FCHSD2: variants seen among roughly 807,000 people sequenced by gnomAD.
The protein encoded by FCHSD2 is FCH and double SH3 domains 2.
Under a neutral mutation model 108.1 loss-of-function variants are expected in FCHSD2, and 38 were observed. The ratio of observed to expected loss-of-function variants is 0.35; its 90% confidence interval spans 0.27 to 0.46. The LOEUF is 0.46. FCHSD2 is among the 20% of genes least tolerant of loss of function. The pLI is 1.00. For missense variants in FCHSD2, 751 were observed against 897.8 expected (o/e 0.84, Z 2.09); for synonymous variants, 279 against 314.7 (o/e 0.89, Z 1.20).
intron 8 of FCHSD2, among the ~76,000 whole-genome samples, chr11:72,944,201 A>G (rs1201758275): frequency 1.3e-5 from 2 of 152,184 alleles, no homozygotes; most frequent in Non-Finnish European, 2.9e-5. Context: ...CTTATCCACC[A>G]TGATCAAGTG....
At chr11:72,903,814 T>C (rs548710358) in intron 9 of FCHSD2, among the ~76,000 whole-genome samples, 2 of 152,316 alleles carry the variant, frequency 1.3e-5, no homozygotes, top group African/African-American at 4.8e-5. Context: ...AAAGGGATAA[T>C]TGAGGAGACG....
chr11:73,083,742 T>TA lies in FCHSD2; in HGVS notation c.120-3dup. ...GCAGCCTTCTTCTGACTGAATGTCC[T>TA]AAAAATACAAAGAAAAATTAATTAC... On this transcript the variant is annotated splice_polypyrimidine_tract_variant and splice_region_variant and intron_variant, in intron 2 of 19. Transcript: ENST00000409418. 4 of 1,534,098 alleles carry TA rather than the reference T, an allele frequency of 2.6e-6. No individual in the cohort carries two copies. The highest frequency in any genetic ancestry group is 3.5e-6 in the Non-Finnish European group (4 of 1,131,544).
intron 13 of FCHSD2, among the ~76,000 whole-genome samples, chr11:72,856,968 C>G (rs1861443698): frequency 6.6e-6 from 1 of 152,162 alleles, no homozygotes; most frequent in South Asian, 2.1e-4. Context: ...AAACACAACA[C>G]CCATACATTT....
chr11:72,947,168 A>G (rs962671945), intron 8 of FCHSD2, among the ~76,000 whole-genome samples: 2 of 152,210 alleles, frequency 1.3e-5, no homozygotes, highest in African/African-American at 4.8e-5. Flanking sequence ...GCATTTTCCA[A>G]TATATCTTAT....
chr11:72,951,783 AC>A (rs1241426031), intron 8 of FCHSD2, among the ~76,000 whole-genome samples: 4 of 152,150 alleles, frequency 2.6e-5, no homozygotes, highest in Non-Finnish European at 5.9e-5. Context: ...TTTGAGGTTT[AC>A]CCTTTCACAA....
chr11:72,862,743 C>T (rs1854627202), intron 13 of FCHSD2, among the ~76,000 whole-genome samples: 1 of 152,074 alleles, frequency 6.6e-6, no homozygotes, highest in Non-Finnish European at 1.5e-5. Flanking sequence ...TTCATATGGA[C>T]ATGCAAAGGA....
rs904508258 is a variant in FCHSD2, at chr11:72,995,653, G to A, written c.387+5337C>T. The stretch of plus-strand genomic sequence containing the variant: ...CAAGAGGTTGAGGCCACAGTGAGCC[G>A]TGTTCATGCCACTGCACTCTAGCAG... On this transcript the variant is annotated intron_variant, in intron 5 of 19. Coordinates refer to ENST00000409418, the MANE Select transcript of FCHSD2 (RefSeq NM_014824.3). 6.6e-5 allele frequency among the ~76,000 whole-genome samples: 10 copies of A among 150,958 alleles called. No individual in the cohort carries two copies. In the East Asian group the frequency reaches 9.7e-4, roughly 15 times the overall value.
At chr11:72,873,135 C>T (rs945149115) in intron 12 of FCHSD2, among the ~76,000 whole-genome samples, 11 of 152,070 alleles carry the variant, frequency 7.2e-5, no homozygotes, top group African/African-American at 2.7e-4. Context: ...TGAGACCAGC[C>T]TGGCCAACAC....
At chr11:72,941,013 T>C in intron 8 of FCHSD2, 2 of 739,564 alleles carry the variant, frequency 2.7e-6, no homozygotes, top group Non-Finnish European at 5.0e-6. Flanking sequence ...GAAAGAGCCA[T>C]GGGCTTGGAA....
chr11:72,961,244 T>C (rs527684488), intron 8 of FCHSD2, among the ~76,000 whole-genome samples: 1 of 152,176 alleles, frequency 6.6e-6, no homozygotes, highest in Non-Finnish European at 1.5e-5. Context: ...TTTTTGTTTG[T>C]TTTTTGAGAC....
chr11:72,874,410 G>C (rs1854924708), intron 12 of FCHSD2, among the ~76,000 whole-genome samples: 1 of 152,124 alleles, frequency 6.6e-6, no homozygotes, highest in Non-Finnish European at 1.5e-5. Context: ...GGCTGGTCTT[G>C]AACTTCTGGC....
chr11:73,040,802 A>G (rs894167743), intron 3 of FCHSD2, among the ~76,000 whole-genome samples: 11 of 152,208 alleles, frequency 7.2e-5, no homozygotes, highest in Non-Finnish European at 1.6e-4. Flanking sequence ...CGACTGTGCT[A>G]TAAAATACTA....
intron 3 of FCHSD2, among the ~76,000 whole-genome samples, chr11:73,081,874 G>A (rs1387868010): frequency 6.6e-6 from 1 of 152,126 alleles, no homozygotes; most frequent in Non-Finnish European, 1.5e-5. Context: ...ATAAATGTCA[G>A]CTATCATTAC....
At chr11:73,077,097 C>CAAAAAAA (rs372641793) in intron 3 of FCHSD2, among the ~76,000 whole-genome samples, 7 of 72,404 alleles carry the variant, frequency 9.7e-5, no homozygotes, top group Admixed American at 1.6e-4. Flanking sequence ...GACTCTGTCT[C>CAAAAAAA]AAAAAAAAAA....
At chr11:72,950,063 A>G (rs1391724573) in intron 8 of FCHSD2, among the ~76,000 whole-genome samples, 1 of 152,168 alleles carries the variant, frequency 6.6e-6, no homozygotes, top group African/African-American at 2.4e-5. Context: ...TAAAAATTTT[A>G]GTCATCCTAG....
chr11:73,005,660 G>A (rs1172157061), intron 4 of FCHSD2, among the ~76,000 whole-genome samples: 1 of 151,520 alleles, frequency 6.6e-6, no homozygotes, highest in Non-Finnish European at 1.5e-5. Context: ...TTTCTTTTTT[G>A]AGATAAGGTC....
At chr11:73,112,146 C>T (rs896418137) in intron 2 of FCHSD2, among the ~76,000 whole-genome samples, 1 of 152,188 alleles carries the variant, frequency 6.6e-6, no homozygotes, top group Non-Finnish European at 1.5e-5. Flanking sequence ...GATTAAAGAA[C>T]TCCCTTTAGC....
chr11:72,893,401 G>C (rs1010860826), intron 10 of FCHSD2, among the ~76,000 whole-genome samples: 3 of 152,040 alleles, frequency 2.0e-5, no homozygotes, highest in African/African-American at 7.2e-5. Context: ...CTGCAGCCTT[G>C]ACCTCCCAAG....
intron 3 of FCHSD2, among the ~76,000 whole-genome samples, chr11:73,037,529 T>G (rs770160136): frequency 1.3e-5 from 2 of 152,216 alleles, no homozygotes; most frequent in Non-Finnish European, 2.9e-5. Context: ...GAGTTTTTGA[T>G]AGCAGCCTTT....
Sources: gnomAD v4.1 joint callset for allele counts (sites outside exome capture counted in the v4.1 genomes callset) on GRCh38, gnomAD v4.1.1 for gene constraint, MANE v1.5 for transcripts, NCBI Gene and HGNC (gene_info 2026-07-23, HGNC 2026-07-21) for gene names.